DLG2: variants seen among roughly 807,000 people sequenced by gnomAD.
DLG2 encodes the protein disks large homolog 2.
Under a neutral mutation model 132.5 loss-of-function variants are expected in DLG2, and 45 were observed. The observed-to-expected ratio is 0.34, with a 90% CI of 0.27 to 0.44. DLG2 has a LOEUF of 0.44. Among genes scored for constraint, DLG2 ranks in the 20% least tolerant of loss-of-function variants. The pLI is 1.00. For synonymous variants in DLG2, 424 were observed against 419.6 expected (o/e 1.01, Z -0.13); for missense variants, 1,045 against 1,196.9 (o/e 0.87, Z 1.87).
chr11:83,901,049 C>T (rs1319834985), intron 15 of DLG2, among the ~76,000 whole-genome samples: 1 of 152,170 alleles, frequency 6.6e-6, no homozygotes, highest in Non-Finnish European at 1.5e-5. Context: ...ATTTGACTGC[C>T]TCACTGGATT....
chr11:85,183,421 CAT>C (rs1485759206), intron 4 of DLG2, among the ~76,000 whole-genome samples: 1 of 151,824 alleles, frequency 6.6e-6, no homozygotes, highest in Non-Finnish European at 1.5e-5. Context: ...TATAGATGCT[CAT>C]ATGTTTTTAT....
chr11:84,133,338 G>A (rs1252277620), intron 9 of DLG2, among the ~76,000 whole-genome samples: 1 of 152,016 alleles, frequency 6.6e-6, no homozygotes, highest in East Asian at 1.9e-4. Context: ...TTTTAGAGGT[G>A]TAACTGAGGT....
chr11:84,863,741 A>G (rs972275067), intron 6 of DLG2, among the ~76,000 whole-genome samples: 1 of 152,202 alleles, frequency 6.6e-6, no homozygotes, highest in East Asian at 1.9e-4. Flanking sequence ...AGAAATGATG[A>G]CTGTGGTAAA....
chr11:83,480,440 GA>G (rs1455001638), intron 22 of DLG2: 1 of 1,533,764 alleles, frequency 6.5e-7, no homozygotes, highest in Non-Finnish European at 8.7e-7. Context: ...GCAAATTAAA[GA>G]GATACCAAGC....
At chr11:83,776,093 AAAATAAATAAATAAATAAAAT>A (rs1164884244) in intron 18 of DLG2, among the ~76,000 whole-genome samples, 2 of 151,640 alleles carry the variant, frequency 1.3e-5, no homozygotes, top group Admixed American at 6.6e-5. Context: ...CTCTGTCTCA[AAAATAAATAAATAAATAAAAT>A]AAATAAATAA....
intron 15 of DLG2, among the ~76,000 whole-genome samples, chr11:83,919,682 A>G (rs994645866): frequency 6.6e-6 from 1 of 152,178 alleles, no homozygotes; most frequent in Non-Finnish European, 1.5e-5. Flanking sequence ...TATGAATTTA[A>G]TGCCTGTTTG....
At chr11:84,936,719 T>C (rs1182823032) in intron 6 of DLG2, 2 of 152,200 alleles carry the variant, frequency 1.3e-5, no homozygotes, top group Non-Finnish European at 2.9e-5. Context: ...ACAATGAGCA[T>C]GGCTTTTGAA....
intron 6 of DLG2, among the ~76,000 whole-genome samples, chr11:85,076,999 A>G (rs948961208): frequency 6.6e-6 from 1 of 152,060 alleles, no homozygotes; most frequent in African/African-American, 2.4e-5. Context: ...CCAGGCACAT[A>G]AAGATAAGCA....
chr11:83,597,715 G>A (rs2153359268), intron 19 of DLG2, among the ~76,000 whole-genome samples: 1 of 152,164 alleles, frequency 6.6e-6, no homozygotes, highest in Non-Finnish European at 1.5e-5. Flanking sequence ...AGCCTTGGAG[G>A]CGGAGGCTGC....
At chr11:85,444,735 G>A (rs537911647) in intron 3 of DLG2, among the ~76,000 whole-genome samples, 71 of 151,674 alleles carry the variant, frequency 4.7e-4, no homozygotes, top group Non-Finnish European at 6.8e-4. Flanking sequence ...ACCTGTTATA[G>A]GCTTCTGTCT....
chr11:83,776,309 C>G (rs1225254083), intron 18 of DLG2, among the ~76,000 whole-genome samples: 10 of 152,016 alleles, frequency 6.6e-5, no homozygotes. Flanking sequence ...ATTCTGCCAC[C>G]CCTCTTTATT....
At chr11:84,131,669 A>G (rs2094429293) in intron 9 of DLG2, among the ~76,000 whole-genome samples, 1 of 151,904 alleles carries the variant, frequency 6.6e-6, no homozygotes, top group South Asian at 2.1e-4. Flanking sequence ...TGTAATCACA[A>G]TGGGCCTTAT....
intron 7 of DLG2, among the ~76,000 whole-genome samples, chr11:84,355,315 C>A (rs113009167): frequency 1.3e-5 from 2 of 152,060 alleles, no homozygotes; most frequent in African/African-American, 4.8e-5. Context: ...TGTATCCCTG[C>A]AAAATTTATA....
chr11:84,763,790 A>G (rs1262499051), intron 6 of DLG2, among the ~76,000 whole-genome samples: 2 of 152,170 alleles, frequency 1.3e-5, no homozygotes, highest in Non-Finnish European at 2.9e-5. Context: ...GTGGAATTCA[A>G]TGTAAGAGTA....
At chr11:84,472,194 T>C (rs1332044687) in intron 7 of DLG2, among the ~76,000 whole-genome samples, 1 of 151,886 alleles carries the variant, frequency 6.6e-6, no homozygotes, top group Non-Finnish European at 1.5e-5. Flanking sequence ...AGCGATTGGA[T>C]CTCAGTGTGC....
chr11:85,009,765 G>A (rs550318772), intron 6 of DLG2, among the ~76,000 whole-genome samples: 2 of 152,112 alleles, frequency 1.3e-5, no homozygotes, highest in East Asian at 3.9e-4. Context: ...AAAGATGGTG[G>A]CTATTGCTAT....
chr11:84,533,751 G>A (rs2099348337), intron 7 of DLG2, among the ~76,000 whole-genome samples: 2 of 151,820 alleles, frequency 1.3e-5, no homozygotes, highest in South Asian at 2.1e-4. Flanking sequence ...TTTTTGTTTA[G>A]CAATAATTAC....
chr11:83,634,496 A>C (rs1033535454), intron 18 of DLG2, among the ~76,000 whole-genome samples: 4 of 152,186 alleles, frequency 2.6e-5, no homozygotes, highest in African/African-American at 9.6e-5. Context: ...TAAAAATGTT[A>C]ATTGGAATTA....
intron 6 of DLG2, among the ~76,000 whole-genome samples, chr11:84,624,339 G>A (rs1254021901): frequency 2.0e-5 from 3 of 152,200 alleles, no homozygotes; most frequent in South Asian, 2.1e-4. Context: ...ATATTTACAA[G>A]TAATTCTAAA....
Sources: gnomAD v4.1 joint callset for allele counts (sites outside exome capture counted in the v4.1 genomes callset) on GRCh38, gnomAD v4.1.1 for gene constraint, MANE v1.5 for transcripts, NCBI Gene and HGNC (gene_info 2026-07-23, HGNC 2026-07-21) for gene names.